Variants in PAPSS2 observed in about 807,000 individuals in gnomAD.
PAPSS2 encodes 3'-phosphoadenosine 5'-phosphosulfate synthase 2, also known as bifunctional 3'-phosphoadenosine 5'-phosphosulfate synthase 2.
PAPSS2 carries 61 observed loss-of-function variants against 66.5 expected under a neutral mutation model. The observed-to-expected ratio is 0.92, with a 90% CI of 0.75 to 1.14. The LOEUF (loss-of-function observed/expected upper bound fraction) is 1.14. Ranked by LOEUF, PAPSS2 falls within the 50% of genes most tolerant of loss-of-function variation. PAPSS2 has a pLI of 0.00. For synonymous variants in PAPSS2, 289 were observed against 287.5 expected, an observed-to-expected ratio of 1.01 and a Z score of -0.05; for missense variants, 708 against 789.6, an observed-to-expected ratio of 0.90 and a Z score of 1.24.
intron 1 of PAPSS2, chr10:87,703,755 T>A (rs777199515): frequency 1.9e-6 from 1 of 518,886 alleles, no homozygotes; most frequent in Non-Finnish European, 3.8e-6. Context: ...GGGCCAGTAG[T>A]GGGAAGAAGG....
chr10:87,725,917 A>G (rs1313982694), intron 8 of PAPSS2, among the ~76,000 whole-genome samples: 1 of 151,728 alleles, frequency 6.6e-6, no homozygotes, highest in Non-Finnish European at 1.5e-5. Context: ...ACACACACAT[A>G]TTTTTTGGTA....
At chr10:87,736,797 A>G (rs908906826) in intron 9 of PAPSS2, among the ~76,000 whole-genome samples, 1 of 152,194 alleles carries the variant, frequency 6.6e-6, no homozygotes, top group East Asian at 1.9e-4. Context: ...TCTGCATCAG[A>G]ATATGGTAGT....
At chr10:87,676,033 T>A (rs1438821746) in intron 1 of PAPSS2, among the ~76,000 whole-genome samples, 1 of 137,850 alleles carries the variant, frequency 7.3e-6, no homozygotes, top group Non-Finnish European at 1.6e-5. Context: ...TCTTCTGTGG[T>A]CACTACATTC....
chr10:87,691,528 T>G, intron 1 of PAPSS2, among the ~76,000 whole-genome samples: 1 of 152,066 alleles, frequency 6.6e-6, no homozygotes, highest in East Asian at 1.9e-4. Flanking sequence ...CCCTAGTTTC[T>G]TGGGCCCTAC....
intron 9 of PAPSS2, among the ~76,000 whole-genome samples, chr10:87,737,233 T>A (rs1269565634): frequency 2.0e-4 from 30 of 152,126 alleles, no homozygotes; most frequent in Non-Finnish European, 2.9e-5. Context: ...TGAAGATGGT[T>A]CTTCTGCAGG....
intron 8 of PAPSS2, among the ~76,000 whole-genome samples, chr10:87,722,075 C>T (rs146718327): frequency 0.028 from 4,237 of 152,242 alleles, 86 homozygotes; most frequent in Non-Finnish European, 0.04. Context: ...ATTTATGATC[C>T]TCTTCCAATG....
At chr10:87,717,681 G>A (rs1327345280) in intron 7 of PAPSS2, among the ~76,000 whole-genome samples, 1 of 151,994 alleles carries the variant, frequency 6.6e-6, no homozygotes, top group Non-Finnish European at 1.5e-5. Flanking sequence ...TTCCACCTCT[G>A]CCTCCTGGGT....
intron 1 of PAPSS2, chr10:87,703,624 G>A: frequency 2.2e-6 from 1 of 454,704 alleles, no homozygotes; most frequent in Non-Finnish European, 4.3e-6. Flanking sequence ...GTTCAGAGAT[G>A]TTAATAACTT....
chr10:87,739,064 G>A (rs1162927282), intron 9 of PAPSS2, among the ~76,000 whole-genome samples: 4 of 152,144 alleles, frequency 2.6e-5, no homozygotes, highest in South Asian at 2.1e-4. Context: ...TAGATGTCAT[G>A]TCTAATAAAT....
chr10:87,688,443 TTTTATTTATTTATTTA>T (rs60199058), intron 1 of PAPSS2, among the ~76,000 whole-genome samples: 5 of 138,080 alleles, frequency 3.6e-5, no homozygotes, highest in African/African-American at 2.8e-5. Flanking sequence ...TTCTTTTTTA[TTTTATTTATTTATTTA>T]TTTATTTATT....
At chr10:87,689,572 A>T (rs1181131197) in intron 1 of PAPSS2, among the ~76,000 whole-genome samples, 2 of 149,730 alleles carry the variant, frequency 1.3e-5, no homozygotes, top group African/African-American at 4.9e-5. Flanking sequence ...AGGCTGAGGC[A>T]GGAGAATCGC....
At chr10:87,682,983 A>T (rs1853041187) in intron 1 of PAPSS2, among the ~76,000 whole-genome samples, 1 of 152,136 alleles carries the variant, frequency 6.6e-6, no homozygotes, top group Admixed American at 6.5e-5. Flanking sequence ...CAGTATTCCA[A>T]GTTGTGTAGC....
chr10:87,713,933 C>A, intron 3 of PAPSS2, 111 bp from the exon 4 acceptor site: 1 of 1,134,288 alleles, frequency 8.8e-7, no homozygotes, highest in Non-Finnish European at 1.3e-6. Flanking sequence ...CTGCAAAGCA[C>A]AAACCCCAGT....
chr10:87,716,163 C>T (rs1853530052), intron 7 of PAPSS2, among the ~76,000 whole-genome samples: 1 of 152,164 alleles, frequency 6.6e-6, no homozygotes, highest in South Asian at 2.1e-4. Flanking sequence ...GTACCATTGC[C>T]ACCTGCTAGG....
intron 1 of PAPSS2, among the ~76,000 whole-genome samples, chr10:87,667,412 T>C (rs7071248): frequency 0.46 from 69,560 of 151,936 alleles, 16,627 homozygotes; most frequent in East Asian, 0.78. Flanking sequence ...GATCATGCCA[T>C]TACACTCCAG....
intron 1 of PAPSS2, among the ~76,000 whole-genome samples, chr10:87,679,679 G>A (rs1431148171): frequency 6.6e-6 from 1 of 152,002 alleles, no homozygotes; most frequent in Admixed American, 6.6e-5. Context: ...TAACTCATAG[G>A]AGACATAGGA....
Position 87,698,241 on chromosome 10 carries a change from A to G in PAPSS2, c.28-10955A>G, listed in dbSNP as rs577792699. ...TTGGTTGTATGTATGTTTTCCCCTT[A>G]AAGTGTTTTCTCGTTCACAGCATTA... On this transcript the variant is annotated intron_variant, in intron 1 of 12. Transcript: ENST00000456849. Among the ~76,000 whole-genome samples the G allele has an allele frequency of 6.6e-5, 10 of 152,280 alleles. No homozygotes were observed. The South Asian group carries it at 1.9e-3, about 28-fold the overall frequency.
At chr10:87,705,551 G>A (rs954927908) in intron 1 of PAPSS2, among the ~76,000 whole-genome samples, 2 of 152,020 alleles carry the variant, frequency 1.3e-5, no homozygotes, top group Non-Finnish European at 2.9e-5. Flanking sequence ...AAATATGAGA[G>A]CACATGTTTG....
intron 1 of PAPSS2, among the ~76,000 whole-genome samples, chr10:87,663,106 CTTTTT>C (rs1184871976): frequency 7.4e-5 from 5 of 67,622 alleles, no homozygotes; most frequent in Non-Finnish European, 1.3e-4. Flanking sequence ...GAAGTAGCCA[CTTTTT>C]TTTTTTTTTT....
Sources: gnomAD v4.1 joint callset for allele counts (sites outside exome capture counted in the v4.1 genomes callset) on GRCh38, gnomAD v4.1.1 for gene constraint, MANE v1.5 for transcripts, NCBI Gene and HGNC (gene_info 2026-07-23, HGNC 2026-07-21) for gene names.